USH2A: variants seen among roughly 807,000 people sequenced by gnomAD.
USH2A encodes usherin.
Under a neutral mutation model 538.9 loss-of-function variants are expected in USH2A, and 443 were observed. That is an observed-to-expected ratio of 0.82 (90% confidence interval 0.76 to 0.89). USH2A has a LOEUF of 0.89. USH2A is among the 40% of genes least tolerant of loss of function. USH2A has a pLI of 0.00. For missense variants in USH2A, 6,633 were observed against 6,324.8 expected (o/e 1.05, Z -1.65); for synonymous variants, 2,413 against 2,273.5 (o/e 1.06, Z -1.75).
intron 43 of USH2A, among the ~76,000 whole-genome samples, chr1:215,869,090 G>A (rs115448687): frequency 1.1e-4 from 16 of 152,260 alleles, no homozygotes; most frequent in Non-Finnish European, 2.2e-4. Context: ...TAGCTGTCAG[G>A]CATTTTCTAC....
intron 41 of USH2A, among the ~76,000 whole-genome samples, chr1:215,882,544 C>T (rs1399558070): frequency 2.6e-5 from 4 of 151,956 alleles, no homozygotes; most frequent in Admixed American, 1.3e-4. Flanking sequence ...TATATAAATA[C>T]AAGAAACATT....
chr1:215,825,263 G>C (rs1663121468), intron 47 of USH2A, among the ~76,000 whole-genome samples: 1 of 151,956 alleles, frequency 6.6e-6, no homozygotes, highest in Non-Finnish European at 1.5e-5. Flanking sequence ...ATGTTGCTCA[G>C]GCTGGACTCA....
At chr1:216,159,901 C>G (rs1169457741) in intron 21 of USH2A, among the ~76,000 whole-genome samples, 1 of 151,866 alleles carries the variant, frequency 6.6e-6, no homozygotes, top group East Asian at 1.9e-4. Flanking sequence ...GATTTTTCTC[C>G]CATGCAAAGG....
chr1:215,754,924 G>C (rs1415181963), intron 58 of USH2A, among the ~76,000 whole-genome samples: 1 of 152,108 alleles, frequency 6.6e-6, no homozygotes, highest in Non-Finnish European at 1.5e-5. Context: ...CTAGTTACTA[G>C]TTTCTTCATG....
chr1:215,986,736 T>G (rs1034034471), intron 35 of USH2A, among the ~76,000 whole-genome samples: 6 of 152,232 alleles, frequency 3.9e-5, no homozygotes, highest in African/African-American at 7.2e-5. Flanking sequence ...CAGTGTGCAT[T>G]TGTGTATGTT....
intron 44 of USH2A, among the ~76,000 whole-genome samples, chr1:215,858,592 T>C (rs1664233579): frequency 6.6e-6 from 1 of 151,228 alleles, no homozygotes; most frequent in Non-Finnish European, 1.5e-5. Flanking sequence ...ACCTTTTTCC[T>C]TTATAAATTA....
At chr1:215,891,174 C>A (rs554044603) in intron 40 of USH2A, among the ~76,000 whole-genome samples, 5 of 152,110 alleles carry the variant, frequency 3.3e-5, no homozygotes, top group Non-Finnish European at 7.4e-5. Flanking sequence ...CAATACACAG[C>A]CTTTTCTTAA....
At chr1:215,935,232 G>T (rs367745238) in intron 37 of USH2A, among the ~76,000 whole-genome samples, 2 of 151,854 alleles carry the variant, frequency 1.3e-5, no homozygotes, top group African/African-American at 4.8e-5. Context: ...TCCTCAAATA[G>T]AATTGTTCTG....
chr1:216,257,248 T>C (rs2036277607), intron 11 of USH2A, among the ~76,000 whole-genome samples: 1 of 151,976 alleles, frequency 6.6e-6, no homozygotes, highest in Admixed American at 6.6e-5. Flanking sequence ...ATTATATGTA[T>C]TGCAAATAGT....
chr1:216,212,755 T>C (rs764304101), intron 15 of USH2A, among the ~76,000 whole-genome samples: 6 of 151,776 alleles, frequency 4.0e-5, no homozygotes, highest in Admixed American at 1.3e-4. Flanking sequence ...GTGTATAAAG[T>C]AATTGTTCAA....
chr1:216,290,484 A>G (rs700027), intron 10 of USH2A, among the ~76,000 whole-genome samples: 142,256 of 152,214 alleles, frequency 0.93, 66,787 homozygotes, highest in East Asian at 1. Context: ...ATACAGTAGT[A>G]AACTAAATAC....
chr1:216,265,510 C>T (rs781696653), intron 11 of USH2A, among the ~76,000 whole-genome samples: 27 of 151,850 alleles, frequency 1.8e-4, no homozygotes, highest in African/African-American at 4.8e-4. Flanking sequence ...TATATCCAGA[C>T]GTTTTGAAAT....
intron 3 of USH2A, among the ~76,000 whole-genome samples, chr1:216,371,547 C>T (rs926646762): frequency 7.9e-5 from 12 of 152,150 alleles, no homozygotes; most frequent in Non-Finnish European, 1.5e-5. Flanking sequence ...AGCTAATTCA[C>T]ATCTACTCAA....
chr1:215,636,393 T>C (rs1656491385), intron 69 of USH2A, among the ~76,000 whole-genome samples: 2 of 152,362 alleles, frequency 1.3e-5, no homozygotes, highest in South Asian at 4.1e-4. Context: ...TGATTAAATG[T>C]TGGACTCTGA....
In USH2A at chr1:216,418,619, T is replaced by C. The variant is rs775722650; in HGVS notation, c.546A>G (p.Lys182=). The C allele has an allele frequency of 2.5e-6, 4 of 1,613,384 alleles. No homozygotes were observed. In the African/African-American group the frequency reaches 4.0e-5, roughly 16 times the overall value. Residue 182 remains lysine, a synonymous_variant, in exon 3 of 72, where the codon AAA becomes AAG. Transcript: ENST00000307340. ...CTGTGCGATAATAAAACATGGTCTCTTTCTCAGATATTGTAAGTTTGAACA... is the reference window on the plus strand; with the variant it reads ...CTGTGCGATAATAAAACATGGTCTCCTTCTCAGATATTGTAAGTTTGAACA... The part of the protein sequence containing the change: ...QIVFKLTISE[K]ETMFYYRTVN...
At chr1:216,147,339 C>T (rs1018200182) in intron 21 of USH2A, among the ~76,000 whole-genome samples, 1 of 152,108 alleles carries the variant, frequency 6.6e-6, no homozygotes, top group African/African-American at 2.4e-5. Context: ...CAGTTTCGTT[C>T]CGTGACTAGC....
At chr1:216,003,137 G>T (rs1452035035) in intron 32 of USH2A, among the ~76,000 whole-genome samples, 1 of 152,116 alleles carries the variant, frequency 6.6e-6, no homozygotes, top group Non-Finnish European at 1.5e-5. Context: ...GGGCGGTCAG[G>T]ATGGGAAGTG....
chr1:215,685,100 T>C (rs552182076), intron 61 of USH2A, among the ~76,000 whole-genome samples: 1 of 152,262 alleles, frequency 6.6e-6, no homozygotes, highest in East Asian at 1.9e-4. Context: ...TTAACTGTTA[T>C]CTAAAAGCCA....
intron 50 of USH2A, among the ~76,000 whole-genome samples, chr1:215,791,560 C>G (rs1476730815): frequency 6.6e-6 from 1 of 152,168 alleles, no homozygotes; most frequent in Non-Finnish European, 1.5e-5. Context: ...ATTAAAAACT[C>G]TTATTTATGA....
Sources: allele counts gnomAD v4.1 joint callset (sites outside exome capture counted in the v4.1 genomes callset), GRCh38; gene constraint gnomAD v4.1.1; transcripts MANE v1.5; gene names NCBI Gene and HGNC (gene_info 2026-07-23, HGNC 2026-07-21).